LSAMP: variants seen among roughly 807,000 people sequenced by gnomAD.
LSAMP encodes limbic system-associated membrane protein.
Under a neutral mutation model 38.6 loss-of-function variants are expected in LSAMP, and 7 were observed. The ratio of observed to expected loss-of-function variants is 0.18; its 90% CI spans 0.10 to 0.34. The LOEUF is 0.34. LSAMP is among the 10% of genes least tolerant of loss of function. LSAMP has a pLI of 1.00. For missense variants in LSAMP, 313 were observed against 420.0 expected (o/e 0.75, Z 2.23); for synonymous variants, 154 against 166.8 (o/e 0.92, Z 0.59).
chr3:116,225,796 C>CA lies in LSAMP; in HGVS notation c.156-139241dup, dbSNP rs2046336073. Among the ~76,000 whole-genome samples, 7 of 150,734 alleles carry CA rather than the reference C, an allele frequency of 4.6e-5. 1 individual carries two copies. In the South Asian group the frequency reaches 1.5e-3, roughly 32 times the overall value. ...CAATTAAAAGTATTTAAATCGTGAGCAAAAAGTGTTCCCCTAAGCACTCTT... is the reference window on the plus strand; with the variant it reads ...CAATTAAAAGTATTTAAATCGTGAGCAAAAAAGTGTTCCCCTAAGCACTCTT... On this transcript the variant is annotated intron_variant, in intron 1 of 6. Coordinates refer to ENST00000490035, the MANE Select transcript of LSAMP (RefSeq NM_002338.5).
chr3:115,934,946 T>C (rs1406538876), intron 3 of LSAMP, among the ~76,000 whole-genome samples: 1 of 152,142 alleles, frequency 6.6e-6, no homozygotes, highest in African/African-American at 2.4e-5. Context: ...ATTAGAATAC[T>C]GGTCAAGCTT....
In LSAMP at chr3:116,029,783, G is replaced by T. The variant is rs112925841; in HGVS notation, c.389-10143C>A. Among the ~76,000 whole-genome samples the T allele has an allele frequency of 2.6e-5, 4 of 152,160 alleles. No homozygotes were observed. In the East Asian group the frequency reaches 7.7e-4, roughly 29 times the overall value. The stretch of plus-strand genomic sequence containing the variant: ...TGAAGCTTCAGTTATGTAGTCCTCC[G>T]AGATGTAGCCAGCATTTTACTATGC... On this transcript the variant is annotated intron_variant, in intron 2 of 6. Coordinates refer to ENST00000490035, the MANE Select transcript of LSAMP (RefSeq NM_002338.5).
At chr3:115,830,019 T>C (rs1051106624) in intron 6 of LSAMP, among the ~76,000 whole-genome samples, 2 of 152,216 alleles carry the variant, frequency 1.3e-5, no homozygotes, top group Admixed American at 1.3e-4. Flanking sequence ...TTGTATATTA[T>C]TTAAAATACC....
At chr3:116,079,393 T>C (rs968698020) in intron 2 of LSAMP, among the ~76,000 whole-genome samples, 3 of 152,278 alleles carry the variant, frequency 2.0e-5, no homozygotes, top group Admixed American at 2.0e-4. Context: ...GTGCGGTGGC[T>C]TACGCCTGTA....
chr3:115,914,034 A>G (rs1576213303), intron 3 of LSAMP, among the ~76,000 whole-genome samples: 1 of 152,262 alleles, frequency 6.6e-6, no homozygotes, highest in African/African-American at 2.4e-5. Flanking sequence ...TACAGAAACC[A>G]AAGACCATTA....
chr3:116,206,080 C>T (rs551165194), intron 1 of LSAMP, among the ~76,000 whole-genome samples: 2 of 151,538 alleles, frequency 1.3e-5, no homozygotes, highest in African/African-American at 2.4e-5. Flanking sequence ...ACAATTTCAG[C>T]TCCTGTTATT....
chr3:116,125,878 G>A (rs1708997438), intron 1 of LSAMP, among the ~76,000 whole-genome samples: 1 of 152,140 alleles, frequency 6.6e-6, no homozygotes, highest in Non-Finnish European at 1.5e-5. Flanking sequence ...AAGATTTGTG[G>A]TTGTGCCTGG....
intron 2 of LSAMP, among the ~76,000 whole-genome samples, chr3:116,084,879 C>A (rs183237597): frequency 6.6e-6 from 1 of 151,884 alleles, no homozygotes; most frequent in Admixed American, 6.6e-5. Context: ...AAAATCTGTT[C>A]TAAGTGATCC....
intron 1 of LSAMP, among the ~76,000 whole-genome samples, chr3:116,146,674 T>C (rs1709497917): frequency 6.6e-6 from 1 of 151,872 alleles, no homozygotes; most frequent in Admixed American, 6.6e-5. Flanking sequence ...CATGATAGTG[T>C]ATATTTTGCA....
At chr3:115,946,353 G>C (rs147380471) in intron 3 of LSAMP, among the ~76,000 whole-genome samples, 21 of 152,242 alleles carry the variant, frequency 1.4e-4, no homozygotes, top group Non-Finnish European at 2.5e-4. Flanking sequence ...GGAATGGAGT[G>C]TTACCAAAGC....
intron 3 of LSAMP, among the ~76,000 whole-genome samples, chr3:115,974,403 G>A (rs1939118359): frequency 6.6e-6 from 1 of 151,968 alleles, no homozygotes; most frequent in Non-Finnish European, 1.5e-5. Context: ...ATGGATGATA[G>A]TGACAACTAA....
chr3:116,098,679 G>A (rs189927482), intron 1 of LSAMP, among the ~76,000 whole-genome samples: 7 of 151,988 alleles, frequency 4.6e-5, no homozygotes, highest in Admixed American at 3.3e-4. Context: ...TCTTCCAAAG[G>A]ACAATGGTGT....
chr3:116,151,312 C>T (rs1325135781), intron 1 of LSAMP, among the ~76,000 whole-genome samples: 1 of 151,868 alleles, frequency 6.6e-6, no homozygotes, highest in Non-Finnish European at 1.5e-5. Flanking sequence ...ATGGAAAGGA[C>T]ATAGTAAGAA....
chr3:115,897,506 C>T (rs139511167), intron 3 of LSAMP, among the ~76,000 whole-genome samples: 2 of 151,920 alleles, frequency 1.3e-5, no homozygotes, highest in Non-Finnish European at 2.9e-5. Context: ...TCTACCTGAT[C>T]AAGAAGCTGG....
chr3:116,315,584 T>C (rs2047618077), intron 1 of LSAMP, among the ~76,000 whole-genome samples: 1 of 152,198 alleles, frequency 6.6e-6, no homozygotes, highest in Non-Finnish European at 1.5e-5. Context: ...CTTTAAGAAA[T>C]GACACAGCTA....
At chr3:116,198,000 T>G (rs940449892) in intron 1 of LSAMP, among the ~76,000 whole-genome samples, 1 of 152,082 alleles carries the variant, frequency 6.6e-6, no homozygotes, top group Non-Finnish European at 1.5e-5. Context: ...AGAAACACTA[T>G]GAGAAATGGC....
chr3:116,412,148 A>C (rs2048988962), intron 1 of LSAMP, among the ~76,000 whole-genome samples: 1 of 152,080 alleles, frequency 6.6e-6, no homozygotes, highest in Non-Finnish European at 1.5e-5. Flanking sequence ...CTTCCCTGAA[A>C]CTATTCCTCC....
At chr3:115,901,426 A>G (rs1936870793) in intron 3 of LSAMP, among the ~76,000 whole-genome samples, 1 of 152,274 alleles carries the variant, frequency 6.6e-6, no homozygotes, top group East Asian at 1.9e-4. Context: ...GTTCAAGTCC[A>G]GATTACAGAT....
At chr3:116,425,813 T>C (rs980795809) in intron 1 of LSAMP, among the ~76,000 whole-genome samples, 1 of 151,078 alleles carries the variant, frequency 6.6e-6, no homozygotes, top group Admixed American at 6.6e-5. Flanking sequence ...GAGAGGAGGA[T>C]GGGCTTAAAA....
Sources: gnomAD v4.1 joint callset for allele counts (sites outside exome capture counted in the v4.1 genomes callset) on GRCh38, gnomAD v4.1.1 for gene constraint, MANE v1.5 for transcripts, NCBI Gene and HGNC (gene_info 2026-07-23, HGNC 2026-07-21) for gene names.